Variants in PAN3 observed in about 807,000 individuals in gnomAD.
PAN3 encodes poly(A) specific ribonuclease subunit PAN3, also known as PAN2-PAN3 deadenylation complex subunit PAN3.
A neutral mutation model predicts 96.2 loss-of-function variants in PAN3; 19 were observed. The observed-to-expected ratio is 0.20, with a 90% CI of 0.14 to 0.29. The LOEUF is 0.29. Ranked by LOEUF, PAN3 falls within the 10% of genes least tolerant of loss-of-function variation. The pLI is 1.00. For missense variants in PAN3, 882 were observed against 1,108.1 expected, an observed-to-expected ratio of 0.80 and a Z score of 2.90; for synonymous variants, 433 against 406.6, an observed-to-expected ratio of 1.06 and a Z score of -0.78.
At chr13:28,210,650 TG>T (rs1230918324) in intron 5 of PAN3, among the ~76,000 whole-genome samples, 3 of 152,198 alleles carry the variant, frequency 2.0e-5, no homozygotes, top group African/African-American at 7.2e-5. Context: ...GGTCAGTTTC[TG>T]ACTAACCCAG....
At chr13:28,179,498 T>C (rs1566163002) in intron 4 of PAN3, among the ~76,000 whole-genome samples, 1 of 152,292 alleles carries the variant, frequency 6.6e-6, no homozygotes, top group African/African-American at 2.4e-5. Flanking sequence ...GAGAATTGCA[T>C]GAGCCCAGGA....
chr13:28,190,717 A>G (rs987345455), intron 4 of PAN3, among the ~76,000 whole-genome samples: 7 of 152,198 alleles, frequency 4.6e-5, no homozygotes, highest in African/African-American at 1.2e-4. Context: ...GAATCATGGT[A>G]AGTGATAAAA....
chr13:28,184,228 G>A (rs1876166969), intron 4 of PAN3, among the ~76,000 whole-genome samples: 1 of 151,988 alleles, frequency 6.6e-6, no homozygotes, highest in African/African-American at 2.4e-5. Flanking sequence ...TATGAATGAT[G>A]ATTTTCCGTA....
chr13:28,245,112 G>T (rs946185005), intron 6 of PAN3, among the ~76,000 whole-genome samples: 1 of 152,088 alleles, frequency 6.6e-6, no homozygotes, highest in Non-Finnish European at 1.5e-5. Flanking sequence ...CTCCCAAAGC[G>T]CCGGGATTAT....
intron 6 of PAN3, among the ~76,000 whole-genome samples, chr13:28,252,176 C>T (rs969801296): frequency 6.8e-6 from 1 of 146,874 alleles, no homozygotes; most frequent in African/African-American, 2.5e-5. Flanking sequence ...GTGTGAGCCA[C>T]TGCGACGGGC....
rs561856771 is a variant in PAN3, at chr13:28,151,800, T to C, written c.430+12713T>C. Reference sequence around the variant, plus strand: ...AGGAAGGCTGCAGACAGAGCAAATATGGGAGAGCAGATCAGGAGTTTGGTT... The same window carrying C: ...AGGAAGGCTGCAGACAGAGCAAATACGGGAGAGCAGATCAGGAGTTTGGTT... On this transcript the variant is annotated intron_variant, in intron 1 of 18. Coordinates refer to ENST00000380958, the MANE Select transcript of PAN3 (RefSeq NM_175854.8). 1.3e-4 allele frequency among the ~76,000 whole-genome samples: 20 copies of C among 152,258 alleles called. No individual in the cohort carries two copies. In the East Asian group the frequency reaches 3.7e-3, roughly 28 times the overall value.
At chr13:28,245,486 C>T (rs1484317470) in intron 6 of PAN3, among the ~76,000 whole-genome samples, 3 of 151,912 alleles carry the variant, frequency 2.0e-5, no homozygotes, top group African/African-American at 7.3e-5. Flanking sequence ...TCTTCCCTAC[C>T]CCCAAGCAGT....
intron 6 of PAN3, among the ~76,000 whole-genome samples, chr13:28,238,004 GT>G (rs1883262188): frequency 6.6e-6 from 1 of 152,172 alleles, no homozygotes; most frequent in Admixed American, 6.5e-5. Context: ...CTGCATTTGT[GT>G]GTTTTTATTT....
chr13:28,167,080 TA>T lies in PAN3; in HGVS notation c.431-7190del, dbSNP rs1337400760. Among the ~76,000 whole-genome samples, 710 of 147,682 alleles carry T rather than the reference TA, an allele frequency of 4.8e-3. 10 individuals carry two copies. Among genetic ancestry groups the T allele is most frequent in the African/African-American group, 0.017 (668 of 39,574 alleles). On this transcript the variant is annotated intron_variant, in intron 1 of 18. Coordinates refer to ENST00000380958, the MANE Select transcript of PAN3 (RefSeq NM_175854.8). ...TACCTTTTTATTTTATTTTTTATCT[TA>T]ATTTTTTTTTTTTTTTTTTTTTTAG... is the stretch of plus-strand genomic sequence containing the variant.
At chr13:28,158,655 G>A (rs1430966409) in intron 1 of PAN3, among the ~76,000 whole-genome samples, 1 of 152,124 alleles carries the variant, frequency 6.6e-6, no homozygotes, top group East Asian at 1.9e-4. Context: ...GAGGCAGGTG[G>A]ATCACGAGGT....
Position 28,272,041 on chromosome 13 carries a change from T to C in PAN3, c.2019T>C (p.Asn673=). 2 of 1,590,846 alleles carry C rather than the reference T, an allele frequency of 1.3e-6. No homozygotes were observed. The highest frequency in any genetic ancestry group is 1.7e-6 in the Non-Finnish European group (2 of 1,162,924). The change falls in exon 14 of 19, where the codon AAT becomes AAC. Residue 673 remains asparagine (N), a synonymous_variant. Coordinates refer to ENST00000380958, the MANE Select transcript of PAN3 (RefSeq NM_175854.8). ...TAACATTTGATAACAGTCAAAATAA[T>C]AATCCATTGGCATTAATGGCCCAGT... ...DVLTFDNSQN[N]NPLALMAQYQ...
At chr13:28,281,164 GT>G (rs1392094784) in intron 16 of PAN3, 150 bp from the exon 17 acceptor site, 1 of 656,496 alleles carries the variant, frequency 1.5e-6, no homozygotes. Flanking sequence ...GACATATTGT[GT>G]TTGTTTAAAA....
intron 1 of PAN3, among the ~76,000 whole-genome samples, chr13:28,150,709 T>G (rs544167659): frequency 6.6e-5 from 10 of 152,222 alleles, no homozygotes; most frequent in African/African-American, 2.4e-4. Flanking sequence ...TGACAAGCAT[T>G]CAGCTTAGTG....
intron 1 of PAN3, among the ~76,000 whole-genome samples, chr13:28,146,564 T>C (rs1870682554): frequency 6.6e-6 from 1 of 152,184 alleles, no homozygotes; most frequent in Admixed American, 6.5e-5. Context: ...TGGTATAGCC[T>C]ACTGCATGCT....
At chr13:28,286,237 A>G (rs1593639627) in intron 17 of PAN3, among the ~76,000 whole-genome samples, 1 of 152,326 alleles carries the variant, frequency 6.6e-6, no homozygotes, top group African/African-American at 2.4e-5. Context: ...CCTGACAGCC[A>G]GGGTTTGGGA....
chr13:28,194,684 G>T (rs1374092724), intron 4 of PAN3, among the ~76,000 whole-genome samples: 3 of 151,566 alleles, frequency 2.0e-5, no homozygotes, highest in Non-Finnish European at 4.4e-5. Flanking sequence ...TGCTCAGTCT[G>T]GTCTTGAACT....
At chr13:28,251,356 C>G (rs1884706928) in intron 6 of PAN3, among the ~76,000 whole-genome samples, 1 of 152,152 alleles carries the variant, frequency 6.6e-6, no homozygotes, top group Non-Finnish European at 1.5e-5. Context: ...CGATTATTTT[C>G]TGTGGAAGGT....
At chr13:28,204,470 T>G (rs189593621) in intron 5 of PAN3, among the ~76,000 whole-genome samples, 2 of 152,364 alleles carry the variant, frequency 1.3e-5, no homozygotes, top group South Asian at 4.1e-4. Context: ...CAGTTTTACC[T>G]TATCACCTTA....
chr13:28,169,222 C>CTTTTTTTTTTTTTTTTTT (rs202200725), intron 1 of PAN3, among the ~76,000 whole-genome samples: 76 of 74,998 alleles, frequency 1.0e-3, no homozygotes, highest in African/African-American at 1.4e-3. Context: ...TTTTTGTTTG[C>CTTTTTTTTTTTTTTTTTT]TTTTTTTTTT....
Sources: allele counts gnomAD v4.1 joint callset (sites outside exome capture counted in the v4.1 genomes callset), GRCh38; gene constraint gnomAD v4.1.1; transcripts MANE v1.5; gene names NCBI Gene and HGNC (gene_info 2026-07-23, HGNC 2026-07-21).